CDH20: variants seen among roughly 807,000 people sequenced by gnomAD.
CDH20 encodes cadherin 20, also known as cadherin-20.
In CDH20, 29 loss-of-function variants were observed where a neutral mutation model predicts 74.2. The observed-to-expected ratio is 0.39, with a 90% confidence interval of 0.29 to 0.53. CDH20 has a LOEUF of 0.53. CDH20 is among the 20% of genes least tolerant of loss of function. CDH20 has a pLI of 0.69. For missense variants in CDH20, 988 were observed against 1,048.3 expected (o/e 0.94, Z 0.79); for synonymous variants, 469 against 405.4 (o/e 1.16, Z -1.88).
At chr18:61,387,714 T>A (rs1911649007) in intron 1 of CDH20, among the ~76,000 whole-genome samples, 1 of 152,204 alleles carries the variant, frequency 6.6e-6, no homozygotes. Flanking sequence ...GCCAGCCAAC[T>A]GCACTGTACA....
At position 61,499,393 on chromosome 18, in the gene CDH20, A is replaced by C. The variant is rs200020108; in HGVS notation, c.454A>C (p.Ile152Leu). 3 of 1,614,140 alleles carry C rather than the reference A, an allele frequency of 1.9e-6. No homozygotes were observed. Among genetic ancestry groups the C allele is most frequent in the Non-Finnish European group, 2.5e-6 (3 of 1,180,004 alleles). Reference sequence around the variant, plus strand: ...GCCAATGGAGCCCGAGTCAGAGTTCATCATCAAAATTCAAGACATCAATGA... The same window carrying C: ...GCCAATGGAGCCCGAGTCAGAGTTCCTCATCAAAATTCAAGACATCAATGA... ...GRPMEPESEF[I>L]IKIQDINDNE... is the part of the protein sequence containing the mutation. Residue 152 changes from isoleucine (I) to leucine (L), a missense_variant, in exon 3 of 12, where the codon ATC becomes CTC. This residue lies in a region of CDH20 where 613 missense variants were observed against 755.2 expected (regional missense o/e 0.81). Transcript: ENST00000262717.
chr18:61,499,040 C>G, intron 2 of CDH20, 146 bp from the exon 3 acceptor site: 1 of 614,326 alleles, frequency 1.6e-6, no homozygotes. Context: ...CCAATGCATA[C>G]TAGTTCTTTG....
intron 5 of CDH20, among the ~76,000 whole-genome samples, chr18:61,505,725 G>A (rs1911538852): frequency 1.3e-5 from 2 of 152,292 alleles, no homozygotes; most frequent in Admixed American, 6.5e-5. Context: ...CCAGGATAGA[G>A]TGGAAGCATG....
rs1473589680 is a variant in CDH20 at position 61,538,615 on chromosome 18, TTTTTGTTTTG to T, written c.1409-404_1409-395del. 1.5e-4 allele frequency among the ~76,000 whole-genome samples: 7 copies of T among 45,690 alleles called. 2 individuals are homozygous for T. The highest frequency in any genetic ancestry group is 2.2e-3 in the South Asian group (2 of 896). 30.0% of individuals were successfully genotyped at this position (45,690 alleles called of 152,430 possible). On this transcript the variant is annotated intron_variant, in intron 8 of 11. Transcript: ENST00000262717. ...TTGTTTGTTTTTGTTTTTGTTTTTG[TTTTTGTTTTG>T]TTTTTTTTTTTGAGACGGAGTCTTA...
chr18:61,345,484 G>C (rs533052263), intron 1 of CDH20, among the ~76,000 whole-genome samples: 2 of 152,070 alleles, frequency 1.3e-5, no homozygotes, highest in African/African-American at 4.8e-5. Flanking sequence ...TTCACAACCC[G>C]CCCAGGTACA....
chr18:61,512,230 T>G (rs1911810532), intron 6 of CDH20, among the ~76,000 whole-genome samples: 1 of 152,208 alleles, frequency 6.6e-6, no homozygotes, highest in Non-Finnish European at 1.5e-5. Context: ...CGATTTTCAG[T>G]CTCTTAAATG....
At chr18:61,488,510 T>G (rs1283143883) in intron 1 of CDH20, among the ~76,000 whole-genome samples, 1 of 152,236 alleles carries the variant, frequency 6.6e-6, no homozygotes, top group East Asian at 1.9e-4. Flanking sequence ...GTGAGGTAGG[T>G]GGGAGAATTA....
chr18:61,430,606 G>A (rs1913222442), intron 1 of CDH20, among the ~76,000 whole-genome samples: 1 of 152,186 alleles, frequency 6.6e-6, no homozygotes, highest in Non-Finnish European at 1.5e-5. Flanking sequence ...ATTCTGCAAT[G>A]AGATTTATCC....
Position 61,554,810 on chromosome 18 carries a change from G to A in CDH20, c.*115G>A, listed in dbSNP as rs1296613619. The A allele has an allele frequency of 5.6e-6, 8 of 1,433,248 alleles. No individual in the cohort carries two copies. Among genetic ancestry groups the A allele is most frequent in the Non-Finnish European group, 1.8e-6 (2 of 1,095,966 alleles). The allele number at this position is 1,433,248 out of a possible 1,614,324, so 88.8% of individuals were successfully genotyped here. The stretch of plus-strand genomic sequence containing the variant: ...TGTGCTGGAGAGTGAGAATGGGGGT[G>A]AGCAGGCGAACAGAGCTCTCTCTGG... On this transcript the variant is annotated 3_prime_UTR_variant, in exon 12 of 12. Transcript: ENST00000262717.
In CDH20 at chr18:61,538,610, T is replaced by TTG. The variant is rs1568182137; in HGVS notation, c.1409-413_1409-412insGT. Among the ~76,000 whole-genome samples, 9 of 42,068 alleles carry TTG rather than the reference T, an allele frequency of 2.1e-4. 1 individual carries two copies. The highest frequency in any genetic ancestry group is 6.8e-4 in the African/African-American group (9 of 13,258). 27.6% of individuals were successfully genotyped at this position (42,068 alleles called of 152,430 possible). On this transcript the variant is annotated intron_variant, in intron 8 of 11. Transcript: ENST00000262717. ...TTTGTTTGTTTGTTTTTGTTTTTGTTTTTGTTTTTGTTTTGTTTTTTTTTT... is the reference window on the plus strand; with the variant it reads ...TTTGTTTGTTTGTTTTTGTTTTTGTTTGTTTGTTTTTGTTTTGTTTTTTTTTT...
chr18:61,441,966 G>A (rs1046007809), intron 1 of CDH20, among the ~76,000 whole-genome samples: 1 of 152,042 alleles, frequency 6.6e-6, no homozygotes, highest in Non-Finnish European at 1.5e-5. Context: ...AGGAAAAGAC[G>A]ACCCCAGTAC....
rs1443500449 is a variant in CDH20 at position 61,536,500 on chromosome 18, A to T, written c.1279A>T (p.Ile427Phe). The T allele has an allele frequency of 1.1e-5, 17 of 1,613,642 alleles. No homozygotes were observed. The highest frequency in any genetic ancestry group is 1.3e-5 in the Non-Finnish European group (15 of 1,179,704). The stretch of plus-strand genomic sequence containing the variant: ...TAATCCATGTTTCTGCAGATACTCC[A>T]TTGATAGAAGCAGTGACCCTGGAAG... ...DVTNNSIRYS[I>F]DRSSDPGRFF... Residue 427 changes from isoleucine (I) to phenylalanine (F), a missense_variant, in exon 8 of 12, where the codon ATT (isoleucine) becomes TTT (phenylalanine). Around this residue, in one of 2 missense-constraint regions of CDH20, gnomAD observed 613 missense variants for 755.2 expected, o/e 0.81. Transcript: ENST00000262717.
intron 1 of CDH20, among the ~76,000 whole-genome samples, chr18:61,474,618 G>A (rs909534163): frequency 6.6e-6 from 1 of 152,280 alleles, no homozygotes; most frequent in Non-Finnish European, 1.5e-5. Flanking sequence ...TTATATTGCT[G>A]AATCGTTGTT....
intron 1 of CDH20, among the ~76,000 whole-genome samples, chr18:61,357,397 T>G (rs529579564): frequency 6.0e-5 from 9 of 149,704 alleles, no homozygotes; most frequent in East Asian, 1.9e-4. Flanking sequence ...ACTAAGAGGG[T>G]TTTTTCCCCC....
intron 1 of CDH20, among the ~76,000 whole-genome samples, chr18:61,477,503 T>C (rs934556273): frequency 6.6e-6 from 1 of 152,196 alleles, no homozygotes; most frequent in Admixed American, 6.5e-5. Context: ...ATGTTAGAAA[T>C]TGATAATAAA....
At position 61,499,325 on chromosome 18, in the gene CDH20, A is replaced by T. The variant is rs775815821; in HGVS notation, c.386A>T (p.Gln129Leu). The T allele has an allele frequency of 1.2e-6, 2 of 1,614,072 alleles. No individual in the cohort carries two copies. Among genetic ancestry groups the T allele is most frequent in the East Asian group, 4.5e-5 (2 of 44,884 alleles). The change falls in exon 3 of 12, where the codon CAG (glutamine) becomes CTG (leucine). Residue 129 changes from glutamine to leucine, a missense_variant. Physicochemically the swap from Gln to Leu is moderately radical, Grantham distance 113. Coordinates refer to ENST00000262717, the MANE Select transcript of CDH20 (RefSeq NM_031891.4). ...AGGCTCGACCGAGAGGAAAGAGCCC[A>T]GTATACTCTAAGGGCTCAAGCCCTA... ...IQRLDREERA[Q>L]YTLRAQALDR...
Position 61,541,123 on chromosome 18 carries a change from T to C in CDH20, c.1530+1978T>C, listed in dbSNP as rs371689458. 1.3e-4 allele frequency among the ~76,000 whole-genome samples: 20 copies of C among 152,210 alleles called. No individual in the cohort carries two copies. In the East Asian group the frequency reaches 3.1e-3, roughly 24 times the overall value. ...TTATTATAAGTAAAGAAGGGAGGTA[T>C]AAAAACTACACCTACATGCTTGCAG... On this transcript the variant is annotated intron_variant, in intron 9 of 11. Coordinates refer to ENST00000262717, the MANE Select transcript of CDH20 (RefSeq NM_031891.4).
At chr18:61,399,437 G>A (rs1400559333) in intron 1 of CDH20, among the ~76,000 whole-genome samples, 1 of 152,106 alleles carries the variant, frequency 6.6e-6, no homozygotes, top group Admixed American at 6.6e-5. Context: ...ATATCTCCCT[G>A]TTACACTTGG....
intron 1 of CDH20, among the ~76,000 whole-genome samples, chr18:61,358,013 A>G (rs1352399084): frequency 1.3e-5 from 2 of 152,114 alleles, no homozygotes; most frequent in Non-Finnish European, 2.9e-5. Flanking sequence ...AGATTTCTGC[A>G]CAAATCGTCA....
Sources: gnomAD v4.1 joint callset for allele counts (sites outside exome capture counted in the v4.1 genomes callset) on GRCh38, gnomAD v4.1.1 for gene constraint, gnomAD v4.1.1 regional missense constraint, MANE v1.5 for transcripts, NCBI Gene and HGNC (gene_info 2026-07-23, HGNC 2026-07-21) for gene names.